DACH2: variants seen among roughly 807,000 people sequenced by gnomAD.
DACH2 encodes the protein dachshund family transcription factor 2.
In DACH2, 17 loss-of-function variants were observed where a neutral mutation model predicts 35.8. The ratio of observed to expected loss-of-function variants is 0.48; its 90% CI spans 0.33 to 0.71. The LOEUF (loss-of-function observed/expected upper bound fraction) is 0.71, where lower values mean the gene tolerates loss of function less well. Among genes scored for constraint, DACH2 ranks in the 30% least tolerant of loss-of-function variants. The probability of loss-of-function intolerance (pLI) is 0.02; values close to 1 mark genes in which losing one functional copy is unlikely to be tolerated. For synonymous variants in DACH2, 195 were observed against 177.3 expected (o/e 1.10, Z -0.79); for missense variants, 469 against 472.7 (o/e 0.99, Z 0.07).
In DACH2 at chrX:86,149,091, C is replaced by A; in HGVS notation, c.471C>A (p.Thr157=). 1 of 1,184,287 alleles carries A rather than the reference C, an allele frequency of 8.4e-7. No individual in the cohort carries two copies. Among genetic ancestry groups the A allele is most frequent in the Non-Finnish European group, 1.1e-6 (1 of 880,384 alleles). Residue 157 remains threonine, a synonymous_variant, in exon 1 of 12, where the codon ACC becomes ACA. Transcript: ENST00000373125. The part of the protein sequence containing the change: ...ITRKDFETLF[T]DCTNARRKRQ... ...GGAAAGACTTCGAAACTTTGTTCAC[C>A]GATTGCACCAATGCCAGGTGAGACA...
At chrX:86,319,816 G>A (rs2034983512) in intron 1 of DACH2, among the ~76,000 whole-genome samples, 2 of 111,654 alleles carry the variant, frequency 1.8e-5, no homozygotes, top group Non-Finnish European at 3.8e-5. Flanking sequence ...ATTAATTAGA[G>A]CTCTTTTTAA....
intron 5 of DACH2, among the ~76,000 whole-genome samples, chrX:86,710,806 G>C (rs1470172367): frequency 8.9e-6 from 1 of 111,755 alleles, no homozygotes; most frequent in Non-Finnish European, 1.9e-5. Context: ...GCAGTAAGTA[G>C]TCACTGGAAG....
chrX:86,235,521 C>A (rs2033040101), intron 1 of DACH2, among the ~76,000 whole-genome samples: 1 of 112,282 alleles, frequency 8.9e-6, no homozygotes, highest in Non-Finnish European at 1.9e-5. Context: ...TGACCTCCTT[C>A]TCTGCTAACT....
chrX:86,810,747 A>ATACT (rs1333172419), intron 7 of DACH2, among the ~76,000 whole-genome samples: 1 of 111,368 alleles, frequency 9.0e-6, no homozygotes, highest in Non-Finnish European at 1.9e-5. Context: ...TTATGAGATA[A>ATACT]TACTTCAAAA....
chrX:86,822,372 C>CTAT (rs1195488915), intron 11 of DACH2, among the ~76,000 whole-genome samples: 1 of 111,866 alleles, frequency 8.9e-6, no homozygotes, highest in African/African-American at 3.2e-5. Context: ...AAGGCAGGAC[C>CTAT]TATTATATGT....
At chrX:86,703,880 A>C (rs1187019873) in intron 5 of DACH2, among the ~76,000 whole-genome samples, 1 of 111,815 alleles carries the variant, frequency 8.9e-6, no homozygotes, top group Non-Finnish European at 1.9e-5. Flanking sequence ...AAATGGCCAT[A>C]CCGCCCAAAG....
intron 2 of DACH2, among the ~76,000 whole-genome samples, chrX:86,432,482 G>A (rs762394141): frequency 8.9e-6 from 1 of 111,971 alleles, no homozygotes; most frequent in South Asian, 3.7e-4. Flanking sequence ...AGTCTGTAAT[G>A]CACGTTGATA....
intron 3 of DACH2, among the ~76,000 whole-genome samples, chrX:86,536,167 C>T (rs1318444334): frequency 9.0e-6 from 1 of 110,680 alleles, no homozygotes; most frequent in Non-Finnish European, 1.9e-5. Context: ...GAAGAAAACA[C>T]ATGCACAAAT....
intron 2 of DACH2, among the ~76,000 whole-genome samples, chrX:86,419,494 C>T (rs1200502833): frequency 9.0e-6 from 1 of 111,414 alleles, no homozygotes; most frequent in Non-Finnish European, 1.9e-5. Flanking sequence ...ACCATCAGAT[C>T]TCGTGAGACT....
At chrX:86,457,905 CAT>C (rs2037503834) in intron 2 of DACH2, among the ~76,000 whole-genome samples, 1 of 111,859 alleles carries the variant, frequency 8.9e-6, no homozygotes, top group Non-Finnish European at 1.9e-5. Context: ...GTTTTTTACT[CAT>C]GTGTATTTGC....
At position 86,262,122 on chromosome X, in the gene DACH2, GA is replaced by G. The variant is rs57531083; in HGVS notation, c.488+113025del. On this transcript the variant is annotated intron_variant, in intron 1 of 11. Coordinates refer to ENST00000373125, the MANE Select transcript of DACH2 (RefSeq NM_053281.3). ...ATGGCAAGATCCCATCTCTATAAAA[GA>G]AAAAAAAAAACACACACTAGCTGGG... Among the ~76,000 whole-genome samples the G allele has an allele frequency of 5.3e-4, 53 of 99,348 alleles. No homozygotes were observed. In the South Asian group the frequency reaches 0.011, roughly 21 times the overall value. 86.3% of individuals were successfully genotyped at this position (99,348 alleles called of 115,157 possible). A position where few individuals can be genotyped will look rare whatever the true frequency, so the allele number is the denominator to read the frequency against.
At chrX:86,819,303 G>C (rs1383679373) in intron 11 of DACH2, among the ~76,000 whole-genome samples, 3 of 110,471 alleles carry the variant, frequency 2.7e-5, no homozygotes, top group African/African-American at 9.8e-5. Context: ...TGGAGCACTT[G>C]TGCTAATGTC....
chrX:86,225,877 C>A (rs1398245554), intron 1 of DACH2, among the ~76,000 whole-genome samples: 1 of 111,251 alleles, frequency 9.0e-6, no homozygotes, highest in African/African-American at 3.3e-5. Flanking sequence ...GTTTTGAATG[C>A]CATGATGGCC....
At chrX:86,603,163 T>A (rs916975989) in intron 3 of DACH2, among the ~76,000 whole-genome samples, 6 of 111,074 alleles carry the variant, frequency 5.4e-5, no homozygotes, top group African/African-American at 2.0e-4. Flanking sequence ...CCTTTTCTTT[T>A]TCATATTGTT....
intron 1 of DACH2, among the ~76,000 whole-genome samples, chrX:86,366,696 G>A (rs1381518811): frequency 9.0e-6 from 1 of 110,650 alleles, no homozygotes; most frequent in African/African-American, 3.3e-5. Flanking sequence ...GAGGTGTTTG[G>A]GCTGTGGGGG....
chrX:86,800,751 C>A (rs758728821), intron 7 of DACH2, among the ~76,000 whole-genome samples: 8 of 111,474 alleles, frequency 7.2e-5, no homozygotes, highest in Non-Finnish European at 1.3e-4. Context: ...CACACTGCAA[C>A]CTTCGCCTTC....
chrX:86,750,080 T>C (rs1228544890), intron 7 of DACH2, among the ~76,000 whole-genome samples: 1 of 111,308 alleles, frequency 9.0e-6, no homozygotes, highest in Non-Finnish European at 1.9e-5. Context: ...CTATATGCCT[T>C]TTATTTCTAT....
chrX:86,581,374 T>C (rs917358289), intron 3 of DACH2, among the ~76,000 whole-genome samples: 4 of 109,868 alleles, frequency 3.6e-5, no homozygotes, highest in Admixed American at 1.9e-4. Context: ...CACATACCAA[T>C]ATTAAACTTG....
At position 86,651,180 on chromosome X, in the gene DACH2, C is replaced by A. The variant is rs1254496714; in HGVS notation, c.772+13C>A. 3.3e-6 allele frequency: 4 copies of A among 1,203,110 alleles called. No individual in the cohort carries two copies. Among genetic ancestry groups the A allele is most frequent in the Non-Finnish European group, 4.5e-6 (4 of 891,234 alleles). ...AATTCTAACACAGGTGAGTGTCTTCCAGAATCCCAGACCAATGACTCTTAC... is the reference window on the plus strand; with the variant it reads ...AATTCTAACACAGGTGAGTGTCTTCAAGAATCCCAGACCAATGACTCTTAC... On this transcript the variant is annotated intron_variant, in intron 4 of 11. Transcript: ENST00000373125.
Sources: gnomAD v4.1 joint callset for allele counts (sites outside exome capture counted in the v4.1 genomes callset) on GRCh38, gnomAD v4.1.1 for gene constraint, MANE v1.5 for transcripts, NCBI Gene and HGNC (gene_info 2026-07-23, HGNC 2026-07-21) for gene names.